Variants in SDK1 observed in about 807,000 individuals in gnomAD.
SDK1 encodes sidekick cell adhesion molecule 1, also known as protein sidekick-1.
Under a neutral mutation model 245.5 loss-of-function variants are expected in SDK1, and 157 were observed. The ratio of observed to expected loss-of-function variants is 0.64; its 90% CI spans 0.56 to 0.73. SDK1 has a LOEUF of 0.73. Among genes scored for constraint, SDK1 ranks in the 30% least tolerant of loss-of-function variants. The pLI is 0.00. For missense variants in SDK1, 3,583 were observed against 3,002.3 expected (o/e 1.19, Z -4.52); for synonymous variants, 1,647 against 1,278.5 (o/e 1.29, Z -6.15).
At chr7:4,154,205 G>T (rs1392703115) in intron 30 of SDK1, among the ~76,000 whole-genome samples, 1 of 152,200 alleles carries the variant, frequency 6.6e-6, no homozygotes, top group Non-Finnish European at 1.5e-5. Context: ...CACTTTGGCT[G>T]TGGAGGTCAA....
In SDK1 at chr7:4,113,377, G is replaced by T; in HGVS notation, c.3523G>T (p.Val1175Leu). Residue 1175 changes from valine to leucine, a missense_variant, in exon 24 of 45, where the codon GTG becomes TTG. By Grantham distance (32) the Val-to-Leu change is conservative (BLOSUM62 1). Transcript: ENST00000404826. ...VIQTLQAPPD[V>L]APTSVTVRTA... is the part of the protein sequence containing the mutation. ...CCAGACCCTGCAGGCCCCACCCGACGTGGCTCCAACCAGCGTCACGGTCCG... is the reference window on the plus strand; with the variant it reads ...CCAGACCCTGCAGGCCCCACCCGACTTGGCTCCAACCAGCGTCACGGTCCG... The T allele has an allele frequency of 2.5e-6, 4 of 1,613,894 alleles. No individual in the cohort carries two copies. The highest frequency in any genetic ancestry group is 3.4e-6 in the Non-Finnish European group (4 of 1,180,034).
At chr7:3,834,065 G>A (rs540978229) in intron 5 of SDK1, among the ~76,000 whole-genome samples, 2 of 152,140 alleles carry the variant, frequency 1.3e-5, no homozygotes, top group East Asian at 3.9e-4. Flanking sequence ...GGAAACAGCT[G>A]GCATACTGGC....
Position 4,268,673 on chromosome 7 carries a change from C to G in SDK1, c.*3289C>G, listed in dbSNP as rs1424081715. The stretch of plus-strand genomic sequence containing the variant: ...TTTTATTTCTTACGCATTCTTGGCA[C>G]ACAGTGTAGCTATCCTCCTGACGAG... On this transcript the variant is annotated 3_prime_UTR_variant, in exon 45 of 45. Transcript: ENST00000404826. 1.5e-6 allele frequency: 2 copies of G among 1,367,726 alleles called. No individual in the cohort carries two copies. The highest frequency in any genetic ancestry group is 2.0e-6 in the Non-Finnish European group (2 of 1,021,990). The allele number at this position is 1,367,726 out of a possible 1,614,324, so 84.7% of individuals were successfully genotyped here.
intron 44 of SDK1, among the ~76,000 whole-genome samples, chr7:4,264,417 G>A (rs112751151): frequency 0.025 from 3,152 of 128,540 alleles, 51 homozygotes; most frequent in African/African-American, 0.1. Flanking sequence ...AAGGAAGGCC[G>A]CGTGGACCTC....
intron 5 of SDK1, among the ~76,000 whole-genome samples, chr7:3,840,756 G>T (rs1349045285): frequency 1.3e-5 from 2 of 152,210 alleles, no homozygotes; most frequent in African/African-American, 2.4e-5. Context: ...AGAGCTACTC[G>T]CAGTATGATC....
chr7:3,437,490 G>A (rs1780063038), intron 1 of SDK1, among the ~76,000 whole-genome samples: 1 of 152,080 alleles, frequency 6.6e-6, no homozygotes, highest in Non-Finnish European at 1.5e-5. Flanking sequence ...ACGTGTGATC[G>A]GCTGGGTGCA....
At position 4,139,691 on chromosome 7, in the gene SDK1, ATGTGTGTGTGTGTATGTGTGTGTGTGTG is replaced by A. The variant is rs1562872726; in HGVS notation, c.4229-6029_4229-6002del. Among the ~76,000 whole-genome samples, 13 of 110,464 alleles carry A rather than the reference ATGTGTGTGTGTGTATGTGTGTGTGTGTG, an allele frequency of 1.2e-4. 3 individuals are homozygous for A. Among genetic ancestry groups the A allele is most frequent in the Non-Finnish European group, 1.6e-4 (9 of 55,298 alleles). The allele number at this position is 110,464 out of a possible 152,430, so 72.5% of individuals were successfully genotyped here. On this transcript the variant is annotated intron_variant, in intron 28 of 44. Transcript: ENST00000404826. ...TGTGTGTGTATATGTGTGTGTGTGTATGTGTGTGTGTGTATGTGTGTGTGTGTGTATGTGTGTGTGTGTGTATGTGTGT... is the reference window on the plus strand; with the variant it reads ...TGTGTGTGTATATGTGTGTGTGTGTATATGTGTGTGTGTGTGTATGTGTGT...
chr7:3,974,194 A>AG (rs1782707790), intron 12 of SDK1, among the ~76,000 whole-genome samples, 175 bp from the exon 13 acceptor site: 1 of 151,908 alleles, frequency 6.6e-6, no homozygotes, highest in African/African-American at 2.4e-5. Context: ...AAAAAAAAAA[A>AG]AAAAAAGAAA....
intron 19 of SDK1, among the ~76,000 whole-genome samples, chr7:4,065,043 A>T (rs1395954976): frequency 1.3e-5 from 2 of 152,168 alleles, no homozygotes; most frequent in Non-Finnish European, 2.9e-5. Context: ...ATTTCAAAAT[A>T]CCAAGGAAAG....
intron 4 of SDK1, among the ~76,000 whole-genome samples, chr7:3,672,003 A>T (rs150238225): frequency 1.2e-4 from 18 of 152,314 alleles, no homozygotes; most frequent in Admixed American, 2.6e-4. Context: ...AAGCAGGAAC[A>T]CATGGACCCT....
chr7:3,749,418 G>A (rs1243966781), intron 4 of SDK1, among the ~76,000 whole-genome samples: 2 of 152,216 alleles, frequency 1.3e-5, no homozygotes, highest in East Asian at 3.9e-4. Context: ...CCCTGCCTCA[G>A]CCTCCTGAGT....
chr7:4,260,417 G>C (rs1275267224), intron 44 of SDK1, among the ~76,000 whole-genome samples: 1 of 140,654 alleles, frequency 7.1e-6, no homozygotes, highest in East Asian at 2.3e-4. Context: ...TGTGTGGGAA[G>C]TTGTGTTCAT....
chr7:4,140,912 T>G (rs1225934950), intron 28 of SDK1, among the ~76,000 whole-genome samples: 4 of 152,128 alleles, frequency 2.6e-5, no homozygotes, highest in Non-Finnish European at 2.9e-5. Context: ...GACCAGCCTG[T>G]GCAACATAGT....
intron 1 of SDK1, among the ~76,000 whole-genome samples, chr7:3,377,195 C>T (rs1361287063): frequency 6.6e-6 from 1 of 152,184 alleles, no homozygotes; most frequent in Non-Finnish European, 1.5e-5. Flanking sequence ...GCCTTAGACA[C>T]GTTGATTGTG....
At chr7:3,467,507 A>G (rs891424597) in intron 1 of SDK1, among the ~76,000 whole-genome samples, 3 of 150,738 alleles carry the variant, frequency 2.0e-5, no homozygotes, top group African/African-American at 7.4e-5. Flanking sequence ...ATTTGGAGAA[A>G]TTAGCTAGAT....
chr7:3,520,585 T>G (rs2128614409), intron 1 of SDK1, among the ~76,000 whole-genome samples: 1 of 152,310 alleles, frequency 6.6e-6, no homozygotes, highest in South Asian at 2.1e-4. Context: ...AGTCTTAAAA[T>G]ATAGTAGAAT....
At chr7:4,031,110 C>G (rs1244659834) in intron 17 of SDK1, among the ~76,000 whole-genome samples, 1 of 152,020 alleles carries the variant, frequency 6.6e-6, no homozygotes, top group East Asian at 1.9e-4. Context: ...CATGTGGACA[C>G]GTATATATAC....
At chr7:4,050,945 G>T (rs1342071454) in intron 18 of SDK1, among the ~76,000 whole-genome samples, 1 of 135,690 alleles carries the variant, frequency 7.4e-6, no homozygotes, top group Non-Finnish European at 1.5e-5. Context: ...CATACTATAC[G>T]TATATATTAT....
At chr7:4,107,947 G>A (rs538481257) in intron 22 of SDK1, among the ~76,000 whole-genome samples, 11 of 152,194 alleles carry the variant, frequency 7.2e-5, no homozygotes, top group Admixed American at 1.3e-4. Flanking sequence ...TTCTTTCAGC[G>A]TAACATAGGC....
Sources: allele counts gnomAD v4.1 joint callset (sites outside exome capture counted in the v4.1 genomes callset), GRCh38; gene constraint gnomAD v4.1.1; transcripts MANE v1.5; gene names NCBI Gene and HGNC (gene_info 2026-07-23, HGNC 2026-07-21).